The following CDHR2 variants were observed in gnomAD, a reference collection of about 807,000 sequenced individuals.
The protein encoded by CDHR2 is cadherin-related family member 2.
CDHR2 carries 104 observed loss-of-function variants against 138.6 expected under a neutral mutation model. That is an observed-to-expected ratio of 0.75 (90% CI 0.64 to 0.88). The LOEUF is 0.88. Ranked by LOEUF, CDHR2 falls within the 40% of genes least tolerant of loss-of-function variation. CDHR2 has a pLI of 0.00. For synonymous variants in CDHR2, 755 were observed against 742.8 expected (o/e 1.02, Z -0.27); for missense variants, 1,624 against 1,727.6 (o/e 0.94, Z 1.06).
At chr5:176,581,909 A>G (rs1250140551) in intron 17 of CDHR2, among the ~76,000 whole-genome samples, 1 of 152,246 alleles carries the variant, frequency 6.6e-6, no homozygotes, top group Non-Finnish European at 1.5e-5. Context: ...CCCTGCCACC[A>G]TTGAAAAGCA....
At chr5:176,574,233 C>T in intron 7 of CDHR2, 61 bp downstream of exon 7, 2 of 1,256,584 alleles carry the variant, frequency 1.6e-6, no homozygotes, top group Non-Finnish European at 2.3e-6. Context: ...TCTCCACAGA[C>T]AACCCACAGG....
chr5:176,577,914 A>T, intron 14 of CDHR2, 116 bp downstream of exon 14: 1 of 1,478,880 alleles, frequency 6.8e-7, no homozygotes, highest in Non-Finnish European at 9.3e-7. Flanking sequence ...AGTGAATCTG[A>T]GTGTGCTGGG....
intron 1 of CDHR2, among the ~76,000 whole-genome samples, chr5:176,560,375 G>A (rs148381644): frequency 0.015 from 2,328 of 151,276 alleles, 55 homozygotes; most frequent in African/African-American, 0.053. Context: ...CAGCCTGGGC[G>A]ACAGGAGTAA....
chr5:176,569,700 C>T (rs1194388546), intron 5 of CDHR2, among the ~76,000 whole-genome samples: 1 of 152,150 alleles, frequency 6.6e-6, no homozygotes, highest in Non-Finnish European at 1.5e-5. Flanking sequence ...TGCAACTACA[C>T]TCTTATTTCC....
intron 1 of CDHR2, among the ~76,000 whole-genome samples, chr5:176,556,264 G>A (rs1757820520): frequency 6.6e-6 from 1 of 152,212 alleles, no homozygotes; most frequent in Non-Finnish European, 1.5e-5. Flanking sequence ...ATCACTTTAG[G>A]AGGCCGAGAT....
In CDHR2 at chr5:176,584,948, G is replaced by C; in HGVS notation, c.2667G>C (p.Leu889=). 1.3e-6 allele frequency: 2 copies of C among 1,579,940 alleles called. No individual in the cohort carries two copies. Among genetic ancestry groups the C allele is most frequent in the Non-Finnish European group, 8.6e-7 (1 of 1,162,420 alleles). The change falls in exon 19 of 32, where the codon CTG becomes CTC. Residue 889 remains leucine (L), a synonymous_variant. Transcript: ENST00000261944. ...CCATCGACTACGAGGCCTGTGACCT[G>C]GTCACGCTGGTTGTGCGGGCCTGTG... ...SKAIDYEACD[L]VTLVVRACDL...
intron 15 of CDHR2, 85 bp downstream of exon 15, chr5:176,578,180 G>A: frequency 7.3e-7 from 1 of 1,364,454 alleles, no homozygotes; most frequent in Non-Finnish European, 1.0e-6. Context: ...TAGAATAGCT[G>A]GGGAAGACCG....
chr5:176,590,110 A>G lies in CDHR2; in HGVS notation c.3239A>G (p.Tyr1080Cys). 6.2e-7 allele frequency: 1 copy of G among 1,613,830 alleles called. No homozygotes were observed. Among genetic ancestry groups the G allele is most frequent in the Non-Finnish European group, 8.5e-7 (1 of 1,179,980 alleles). The change falls in exon 25 of 32, where the codon TAC (tyrosine) becomes TGC (cysteine). Residue 1080 changes from tyrosine to cysteine, a missense_variant. By Grantham distance (194) the Tyr-to-Cys change is radical (BLOSUM62 -2). Around this residue, in one of 3 missense-constraint regions of CDHR2, gnomAD observed 556 missense variants for 565.7 expected, o/e 0.98. Coordinates refer to ENST00000261944, the MANE Select transcript of CDHR2 (RefSeq NM_017675.6). ...ALTQATRTTVYIVDIQDIDSA... is the reference protein window; with the variant it reads ...ALTQATRTTVCIVDIQDIDSA... ...ACCCAGGCAACCAGGACTACAGTAT[A>G]CATTGTGGACATTCAGGACATAGAT... is the stretch of plus-strand genomic sequence containing the variant.
upstream of CDHR2, among the ~76,000 whole-genome samples, chr5:176,547,134 G>A (rs10043334): frequency 0.12 from 18,951 of 151,942 alleles, 2,467 homozygotes; most frequent in African/African-American, 0.33. Flanking sequence ...ACCTGCCACC[G>A]TGCACAGCTA....
At chr5:176,591,767 T>C (rs1316028169) in intron 30 of CDHR2, 4 of 136,658 alleles carry the variant, frequency 2.9e-5, no homozygotes, top group Admixed American at 1.2e-4. Context: ...ATGGTGATGA[T>C]GACGATGGTG....
intron 30 of CDHR2, 50 bp from the exon 31 acceptor site, chr5:176,592,669 CAGTA>C: frequency 6.6e-7 from 1 of 1,521,578 alleles, no homozygotes; most frequent in Non-Finnish European, 9.1e-7. Flanking sequence ...TTCTTGGGCA[CAGTA>C]AGGGAGGACT....
rs144365271 is a variant in CDHR2 at position 176,576,606 on chromosome 5, T to A, written c.1194+421T>A. Reference sequence around the variant, plus strand: ...TTTTTTTTTTTTTTGAGATGGAATTTCGCTCTGTCACCCAGGCTGGAGTGC... The same window carrying A: ...TTTTTTTTTTTTTTGAGATGGAATTACGCTCTGTCACCCAGGCTGGAGTGC... On this transcript the variant is annotated intron_variant, in intron 12 of 31. Transcript: ENST00000261944. This position sits in a 1 kb window ranked among gnomAD's most constrained non-coding sequence, Gnocchi z 4.5. Among the ~76,000 whole-genome samples, 23 of 149,784 alleles carry A rather than the reference T, an allele frequency of 1.5e-4. No homozygotes were observed. The highest frequency in any genetic ancestry group is 3.4e-4 in the Non-Finnish European group (23 of 67,484).
rs370686915 is a variant in CDHR2 at position 176,589,083 on chromosome 5, G to A, written c.2909G>A (p.Arg970Gln). The A allele has an allele frequency of 1.4e-5, 23 of 1,613,966 alleles. No individual in the cohort carries two copies. The African/African-American group carries it at 2.5e-4, about 18-fold the overall frequency. ...GGCGTCATCCTGTTCTCCATCCTCC[G>A]AGTAGACTTCATCTCTAAGGACGGG... ...NNGVILFSIL[R>Q]VDFISKDGAT... is the part of the protein sequence containing the mutation. The change falls in exon 22 of 32, where the codon CGA becomes CAA. Residue 970 changes from arginine (R) to glutamine (Q), a missense_variant. Physicochemically the swap from Arg to Gln is conservative, Grantham distance 43. Coordinates refer to ENST00000261944, the MANE Select transcript of CDHR2 (RefSeq NM_017675.6).
chr5:176,589,196 GC>G lies in CDHR2; in HGVS notation c.3008+18del. On this transcript the variant is annotated intron_variant, in intron 22 of 31. Transcript: ENST00000261944. ...TGGGAGCATTCAGTAACTGCGGGCG[GC>G]CCCGGGAGGGAGGTTGCGGGGAGGG... 6.2e-7 allele frequency: 1 copy of G among 1,613,834 alleles called. No homozygotes were observed.
At chr5:176,547,935 G>A (rs187249106), upstream of CDHR2, among the ~76,000 whole-genome samples, 6 of 152,134 alleles carry the variant, frequency 3.9e-5, no homozygotes, top group South Asian at 8.3e-4. Context: ...CCTTAACAAC[G>A]GGGACACCTT....
intron 1 of CDHR2, among the ~76,000 whole-genome samples, chr5:176,556,476 C>A (rs1409179292): frequency 6.6e-6 from 1 of 152,196 alleles, no homozygotes; most frequent in Non-Finnish European, 1.5e-5. Context: ...ACCATCCCGG[C>A]TAACATGGTG....
intron 1 of CDHR2, among the ~76,000 whole-genome samples, chr5:176,552,094 C>G (rs1329602150): frequency 6.6e-6 from 1 of 152,236 alleles, no homozygotes; most frequent in East Asian, 1.9e-4. Flanking sequence ...GTTTCACACC[C>G]ATGCGTTGGC....
chr5:176,575,895 T>C, intron 11 of CDHR2, 56 bp downstream of exon 11: 1 of 1,564,788 alleles, frequency 6.4e-7, no homozygotes. Flanking sequence ...CTCTGGCCTT[T>C]GATCTCTCTC....
chr5:176,569,490 G>A (rs921873729), intron 5 of CDHR2, among the ~76,000 whole-genome samples: 17 of 152,094 alleles, frequency 1.1e-4, no homozygotes, highest in Admixed American at 8.5e-4. Context: ...CACTGTGTTA[G>A]CCAGGATGGT....
Sources: gnomAD v4.1 joint callset for allele counts (sites outside exome capture counted in the v4.1 genomes callset) on GRCh38, gnomAD v4.1.1 for gene constraint, gnomAD v4.1.1 regional missense constraint, Gnocchi (gnomAD v3.1) non-coding constraint, MANE v1.5 for transcripts, NCBI Gene and HGNC (gene_info 2026-07-23, HGNC 2026-07-21) for gene names.